The following ZNF532 variants were observed in gnomAD, a reference collection of about 807,000 sequenced individuals.
The protein encoded by ZNF532 is zinc finger protein 532.
In ZNF532, 22 loss-of-function variants were observed where a neutral mutation model predicts 89.3. The ratio of observed to expected loss-of-function variants is 0.25; its 90% CI spans 0.18 to 0.35. ZNF532 has a LOEUF of 0.35. Ranked by LOEUF, ZNF532 falls within the 10% of genes least tolerant of loss-of-function variation. The probability of loss-of-function intolerance (pLI) is 1.00; values close to 1 mark genes in which losing one functional copy is unlikely to be tolerated. For missense variants in ZNF532, 1,132 were observed against 1,643.4 expected (o/e 0.69, Z 5.38); for synonymous variants, 606 against 649.6 (o/e 0.93, Z 1.02).
At chr18:58,886,970 A>C (rs1168062098) in intron 2 of ZNF532, among the ~76,000 whole-genome samples, 1 of 152,222 alleles carries the variant, frequency 6.6e-6, no homozygotes, top group Non-Finnish European at 1.5e-5. Flanking sequence ...TTGTAATCTC[A>C]GTAGGTTCCT....
chr18:58,969,521 T>C (rs2066256395), intron 7 of ZNF532, among the ~76,000 whole-genome samples: 2 of 152,188 alleles, frequency 1.3e-5, no homozygotes, highest in Admixed American at 6.5e-5. Context: ...AAGGGGTCAC[T>C]TGTGCACTGC....
At chr18:58,921,015 A>C (rs893462712) in intron 3 of ZNF532, among the ~76,000 whole-genome samples, 12 of 152,000 alleles carry the variant, frequency 7.9e-5, no homozygotes, top group Non-Finnish European at 1.2e-4. Context: ...GCTTGAGCCC[A>C]GGAGTTTGAA....
At chr18:58,977,939 T>C (rs960498913) in intron 7 of ZNF532, among the ~76,000 whole-genome samples, 5 of 152,222 alleles carry the variant, frequency 3.3e-5, no homozygotes, top group Non-Finnish European at 4.4e-5. Context: ...CTTCAGTCTT[T>C]AATGAGTTTA....
Position 58,868,664 on chromosome 18 carries a change from A to G in ZNF532, c.-18+3085A>G, listed in dbSNP as rs527967973. Among the ~76,000 whole-genome samples the G allele has an allele frequency of 2.0e-5, 3 of 152,300 alleles. No homozygotes were observed. In the South Asian group the frequency reaches 6.2e-4, roughly 32 times the overall value. On this transcript the variant is annotated intron_variant, in intron 2 of 9. Transcript: ENST00000591808. ...GTATTCTGCTGTATGGATGTACCAC[A>G]GTTTATTCATTTGCTGGGTGAAGGA...
intron 2 of ZNF532, among the ~76,000 whole-genome samples, chr18:58,882,984 CCTT>C (rs994724150): frequency 6.6e-6 from 1 of 152,112 alleles, no homozygotes; most frequent in African/African-American, 2.4e-5. Context: ...CTGTAGAACC[CCTT>C]CTTCCCCTTT....
At chr18:58,889,861 C>T (rs1192281804) in intron 2 of ZNF532, among the ~76,000 whole-genome samples, 1 of 152,096 alleles carries the variant, frequency 6.6e-6, no homozygotes, top group East Asian at 1.9e-4. Flanking sequence ...AAGGCAGGAT[C>T]ACCTGAGGTC....
At chr18:58,966,146 T>C (rs979587345) in intron 7 of ZNF532, among the ~76,000 whole-genome samples, 3 of 152,084 alleles carry the variant, frequency 2.0e-5, no homozygotes, top group African/African-American at 4.8e-5. Context: ...CTCTTCTCCT[T>C]GAGTAGTTCT....
At chr18:58,870,083 T>G (rs2056856707) in intron 2 of ZNF532, among the ~76,000 whole-genome samples, 1 of 150,950 alleles carries the variant, frequency 6.6e-6, no homozygotes, top group Admixed American at 6.6e-5. Flanking sequence ...TTTTTTTTTT[T>G]TTTTTTTTTT....
At chr18:58,917,051 T>G (rs1329996850) in intron 2 of ZNF532, among the ~76,000 whole-genome samples, 1 of 152,216 alleles carries the variant, frequency 6.6e-6, no homozygotes, top group Non-Finnish European at 1.5e-5. Flanking sequence ...GAAAGTTGCC[T>G]GAAGTCAGCT....
At chr18:58,909,833 G>A (rs1427870774) in intron 2 of ZNF532, among the ~76,000 whole-genome samples, 1 of 152,206 alleles carries the variant, frequency 6.6e-6, no homozygotes, top group African/African-American at 2.4e-5. Flanking sequence ...CAGGTCACTA[G>A]CTAATAGTAG....
At chr18:58,936,359 T>C (rs550094267) in intron 4 of ZNF532, among the ~76,000 whole-genome samples, 1 of 152,390 alleles carries the variant, frequency 6.6e-6, no homozygotes, top group Admixed American at 6.5e-5. Flanking sequence ...TCTGCAGCAC[T>C]TCCCAAGTGC....
At chr18:58,879,887 C>T (rs1009885696) in intron 2 of ZNF532, among the ~76,000 whole-genome samples, 2 of 152,068 alleles carry the variant, frequency 1.3e-5, no homozygotes, top group Admixed American at 6.6e-5. Context: ...GTAGCTTTGC[C>T]TTAATTCATT....
intron 2 of ZNF532, among the ~76,000 whole-genome samples, chr18:58,888,311 A>G (rs181261916): frequency 1.1e-4 from 17 of 152,298 alleles, no homozygotes; most frequent in Admixed American, 5.2e-4. Flanking sequence ...ATCACTTAGA[A>G]TGTACAATGT....
intron 3 of ZNF532, among the ~76,000 whole-genome samples, chr18:58,933,301 A>G (rs779380900): frequency 6.6e-6 from 1 of 152,178 alleles, no homozygotes; most frequent in African/African-American, 2.4e-5. Context: ...GAAAATCAAG[A>G]AAGAATTTTC....
In ZNF532 at chr18:58,920,497, C is replaced by T. The variant is rs367995962; in HGVS notation, c.2210C>T (p.Thr737Ile). 1.2e-6 allele frequency: 2 copies of T among 1,613,858 alleles called. No individual in the cohort carries two copies. The highest frequency in any genetic ancestry group is 1.7e-6 in the Non-Finnish European group (2 of 1,179,874). Residue 737 changes from threonine (T) to isoleucine (I), a missense_variant, in exon 3 of 10, where the codon ACC (threonine) becomes ATC (isoleucine). By Grantham distance (89) the Thr-to-Ile change is moderately conservative (BLOSUM62 -1). Transcript: ENST00000591808. ...VISAPSSTPI[T>I]PAMPLDEDPS... ...TCGGCTCCTTCAAGCACTCCCATCACCCCAGCCATGCCCCTAGATGAAGAC... is the reference window on the plus strand; with the variant it reads ...TCGGCTCCTTCAAGCACTCCCATCATCCCAGCCATGCCCCTAGATGAAGAC...
At chr18:58,897,156 T>C (rs2059305896) in intron 2 of ZNF532, among the ~76,000 whole-genome samples, 1 of 152,214 alleles carries the variant, frequency 6.6e-6, no homozygotes, top group African/African-American at 2.4e-5. Context: ...TATGAACATT[T>C]CATTAGATGT....
At chr18:58,983,026 C>T (rs774867401) in intron 9 of ZNF532, among the ~76,000 whole-genome samples, 33 of 152,146 alleles carry the variant, frequency 2.2e-4, no homozygotes, top group Middle Eastern at 3.2e-3. Flanking sequence ...ACAGGAGAAT[C>T]GCTTGAACCC....
intron 8 of ZNF532, chr18:58,980,353 A>G (rs1260445936): frequency 6.6e-6 from 1 of 152,190 alleles, no homozygotes; most frequent in South Asian, 2.1e-4. Flanking sequence ...TTATTTCCCC[A>G]TGAACTCACT....
Position 58,920,528 on chromosome 18 carries a change from C to T in ZNF532, c.2241C>T (p.Ser747=). 1 of 1,613,976 alleles carries T rather than the reference C, an allele frequency of 6.2e-7. No individual in the cohort carries two copies. The highest frequency in any genetic ancestry group is 8.5e-7 in the Non-Finnish European group (1 of 1,179,870). Residue 747 remains serine (S), a synonymous_variant, in exon 3 of 10, where the codon TCC becomes TCT. Coordinates refer to ENST00000591808, the MANE Select transcript of ZNF532 (RefSeq NM_001375912.1). ...TPAMPLDEDP[S]KLCRHSLKCL... ...CCATGCCCCTAGATGAAGACCCCTC[C>T]AAACTGTGTAGACATAGTCTAAAAT...
Sources: allele counts gnomAD v4.1 joint callset (sites outside exome capture counted in the v4.1 genomes callset), GRCh38; gene constraint gnomAD v4.1.1; transcripts MANE v1.5; gene names NCBI Gene and HGNC (gene_info 2026-07-23, HGNC 2026-07-21).